The following C11orf65 variants were observed in gnomAD, a reference collection of about 807,000 sequenced individuals.
C11orf65 encodes chromosome 11 open reading frame 65.
C11orf65 carries 38 observed loss-of-function variants against 35.3 expected under a neutral mutation model. The ratio of observed to expected loss-of-function variants is 1.08; its 90% CI spans 0.83 to 1.41. The LOEUF (loss-of-function observed/expected upper bound fraction) is 1.41. Among genes scored for constraint, C11orf65 ranks in the 40% most tolerant of loss-of-function variants. C11orf65 has a pLI of 0.00. For synonymous variants in C11orf65, 105 were observed against 114.4 expected (o/e 0.92, Z 0.53); for missense variants, 370 against 367.1 (o/e 1.01, Z -0.06).
At chr11:108,311,030 C>T (rs1431349565) in intron 6 of C11orf65, among the ~76,000 whole-genome samples, 3 of 152,280 alleles carry the variant, frequency 2.0e-5, no homozygotes, top group East Asian at 1.9e-4. Context: ...TGCAGTGGTG[C>T]GATCATAGCT....
chr11:108,365,018 C>T, intron 2 of C11orf65: 1 of 1,571,346 alleles, frequency 6.4e-7, no homozygotes. Flanking sequence ...ACTGGTTCTA[C>T]TGTTTCTAAG....
At chr11:108,324,528 G>A (rs1383714780) in intron 6 of C11orf65, among the ~76,000 whole-genome samples, 8 of 151,974 alleles carry the variant, frequency 5.3e-5, no homozygotes, top group Non-Finnish European at 2.9e-5. Flanking sequence ...AAGGAGTTCC[G>A]CAAAAAGTTT....
chr11:108,425,151 C>T (rs763339489), intron 3 of C11orf65, among the ~76,000 whole-genome samples: 38 of 151,816 alleles, frequency 2.5e-4, no homozygotes, highest in Admixed American at 4.6e-4. Context: ...GAAATATCTA[C>T]GATCAGAGCA....
chr11:108,369,360 G>C (rs961661422), intron 2 of C11orf65, among the ~76,000 whole-genome samples: 3 of 152,046 alleles, frequency 2.0e-5, no homozygotes, highest in African/African-American at 7.3e-5. Context: ...AAATATGAAT[G>C]TTCTTTCTTT....
chr11:108,408,578 A>C (rs577920107), intron 3 of C11orf65, among the ~76,000 whole-genome samples: 1 of 151,832 alleles, frequency 6.6e-6, no homozygotes, highest in East Asian at 1.9e-4. Flanking sequence ...CTGGAGGCTG[A>C]GGCAGGAGAA....
At chr11:108,315,642 T>G (rs1242797958) in intron 6 of C11orf65, among the ~76,000 whole-genome samples, 1 of 152,210 alleles carries the variant, frequency 6.6e-6, no homozygotes, top group Non-Finnish European at 1.5e-5. Context: ...CCTGCACAGT[T>G]CAAACTCGTG....
At chr11:108,423,506 C>T (rs549971726) in intron 3 of C11orf65, among the ~76,000 whole-genome samples, 2 of 152,288 alleles carry the variant, frequency 1.3e-5, no homozygotes, top group African/African-American at 4.8e-5. Context: ...AACGTTCCTG[C>T]CTGCCAGCTC....
intron 2 of C11orf65, among the ~76,000 whole-genome samples, chr11:108,360,119 C>A (rs1178295231): frequency 6.6e-6 from 1 of 150,926 alleles, no homozygotes; most frequent in Non-Finnish European, 1.5e-5. Flanking sequence ...GGGATATCAC[C>A]ACCGATCCCA....
At chr11:108,459,818 A>T (rs1298451680) in intron 2 of C11orf65, among the ~76,000 whole-genome samples, 1 of 151,666 alleles carries the variant, frequency 6.6e-6, no homozygotes, top group Non-Finnish European at 1.5e-5. Context: ...AAGGGCAAGG[A>T]TGTATTCTGA....
chr11:108,337,805 G>A (rs2087016559), intron 2 of C11orf65, among the ~76,000 whole-genome samples: 1 of 152,220 alleles, frequency 6.6e-6, no homozygotes, highest in South Asian at 2.1e-4. Context: ...AGATGACAAA[G>A]ATAATAGGTG....
chr11:108,432,609 T>G (rs776609975), intron 2 of C11orf65, among the ~76,000 whole-genome samples: 1 of 152,140 alleles, frequency 6.6e-6, no homozygotes, highest in Non-Finnish European at 1.5e-5. Flanking sequence ...TAATAACTCT[T>G]GGTAAACACC....
At chr11:108,329,435 C>T, downstream of C11orf65, 1 of 577,628 alleles carries the variant, frequency 1.7e-6, no homozygotes, top group Non-Finnish European at 3.0e-6. Flanking sequence ...GAGACAAGGT[C>T]TCACTCTGTC....
intron 7 of C11orf65, among the ~76,000 whole-genome samples, chr11:108,386,955 C>T (rs1022415831): frequency 2.0e-5 from 3 of 151,836 alleles, no homozygotes; most frequent in African/African-American, 7.3e-5. Context: ...GTGATGCATG[C>T]CTGTAGTTTC....
Position 108,465,292 on chromosome 11 carries a change from G to C in C11orf65, c.-10+2179C>G, listed in dbSNP as rs535143963. The stretch of plus-strand genomic sequence containing the variant: ...GCTTCTCTAGTGACATAGGCTAAAG[G>C]GTGTTTAGAAGCTGCCAAAAAAGTA... On this transcript the variant is annotated intron_variant, in intron 1 of 8. Transcript: ENST00000393084. Among the ~76,000 whole-genome samples, 115 of 152,154 alleles carry C rather than the reference G, an allele frequency of 7.6e-4. 2 individuals carry two copies. The highest frequency in any genetic ancestry group is 2.5e-3 in the African/African-American group (105 of 41,510).
intron 2 of C11orf65, among the ~76,000 whole-genome samples, chr11:108,362,928 A>T (rs1323555172): frequency 6.6e-6 from 1 of 152,076 alleles, no homozygotes; most frequent in Non-Finnish European, 1.5e-5. Flanking sequence ...GTGCACATGT[A>T]CCCTAAAACA....
At chr11:108,433,377 G>A (rs982644916) in intron 2 of C11orf65, among the ~76,000 whole-genome samples, 1 of 151,704 alleles carries the variant, frequency 6.6e-6, no homozygotes, top group African/African-American at 2.4e-5. Context: ...AGGAGATCGA[G>A]ACCACCCCGG....
At chr11:108,468,185 A>G (rs1208464365), upstream of C11orf65, among the ~76,000 whole-genome samples, 1 of 152,190 alleles carries the variant, frequency 6.6e-6, no homozygotes, top group Non-Finnish European at 1.5e-5. Flanking sequence ...AAATGAGACA[A>G]CTGATCCTTC....
chr11:108,414,399 C>CTG, intron 3 of C11orf65, among the ~76,000 whole-genome samples: 1 of 151,738 alleles, frequency 6.6e-6, no homozygotes, highest in Admixed American at 6.6e-5. Flanking sequence ...TGCATGGACA[C>CTG]TAAAAAGGAT....
intron 6 of C11orf65, chr11:108,309,218 T>C: frequency 1.8e-6 from 1 of 542,298 alleles, no homozygotes; most frequent in Non-Finnish European, 3.3e-6. Flanking sequence ...AACAAAAAAA[T>C]TGCTTGCTGT....
Sources: gnomAD v4.1 joint callset for allele counts (sites outside exome capture counted in the v4.1 genomes callset) on GRCh38, gnomAD v4.1.1 for gene constraint, MANE v1.5 for transcripts, NCBI Gene and HGNC (gene_info 2026-07-23, HGNC 2026-07-21) for gene names.